Variants in ZBTB20 observed in about 807,000 individuals in gnomAD.
ZBTB20 encodes the protein zinc finger and BTB domain-containing protein 20.
A neutral mutation model predicts 56.9 loss-of-function variants in ZBTB20; 9 were observed. The ratio of observed to expected loss-of-function variants is 0.16; its 90% CI spans 0.10 to 0.28. ZBTB20 has a LOEUF of 0.28. ZBTB20 is among the 10% of genes least tolerant of loss of function. The pLI is 1.00. For synonymous variants in ZBTB20, 417 were observed against 420.7 expected (o/e 0.99, Z 0.11); for missense variants, 655 against 1,003.0 (o/e 0.65, Z 4.69).
intron 4 of ZBTB20, among the ~76,000 whole-genome samples, chr3:114,880,979 G>T (rs1368668960): frequency 6.6e-6 from 1 of 151,754 alleles, no homozygotes; most frequent in East Asian, 1.9e-4. Flanking sequence ...CACTGATAGC[G>T]TACTACTTTT....
intron 4 of ZBTB20, among the ~76,000 whole-genome samples, chr3:114,805,600 A>C (rs1173142633): frequency 6.6e-6 from 1 of 151,488 alleles, no homozygotes; most frequent in Non-Finnish European, 1.5e-5. Flanking sequence ...TTTAATAAAC[A>C]TAACAGTTTA....
intron 4 of ZBTB20, among the ~76,000 whole-genome samples, chr3:114,802,775 C>T (rs1276048704): frequency 6.6e-6 from 1 of 151,892 alleles, no homozygotes; most frequent in East Asian, 1.9e-4. Flanking sequence ...CTGGATAAAT[C>T]TAATTCACCA....
intron 1 of ZBTB20, among the ~76,000 whole-genome samples, chr3:115,096,131 T>G (rs933718749): frequency 3.9e-5 from 6 of 152,226 alleles, no homozygotes. Flanking sequence ...CAAAAATGTC[T>G]TACACAGTAT....
At position 114,322,494 on chromosome 3, in the gene ZBTB20, T is replaced by C. The variant is rs925728696; in HGVS notation, c.*16511A>G. 3.3e-5 allele frequency: 5 copies of C among 152,212 alleles called. No homozygotes were observed. The highest frequency in any genetic ancestry group is 7.3e-5 in the Non-Finnish European group (5 of 68,046). 9.4% of individuals were successfully genotyped at this position (152,212 alleles called of 1,614,324 possible). A position where few individuals can be genotyped will look rare whatever the true frequency, so the allele number is the denominator to read the frequency against. On this transcript the variant is annotated 3_prime_UTR_variant, in exon 12 of 12. Transcript: ENST00000675478. ...AATTGCGATCTGAAGATTAAAATCT[T>C]TGGTGACAGAACTGGAGTGGATATG...
At chr3:114,590,264 C>T (rs868794174) in intron 6 of ZBTB20, among the ~76,000 whole-genome samples, 6 of 151,780 alleles carry the variant, frequency 4.0e-5, no homozygotes, top group African/African-American at 9.7e-5. Context: ...AGACCAAGAA[C>T]GGCCAACATG....
At chr3:114,567,193 C>T (rs983049419) in intron 6 of ZBTB20, among the ~76,000 whole-genome samples, 6 of 152,178 alleles carry the variant, frequency 3.9e-5, no homozygotes, top group African/African-American at 7.2e-5. Context: ...GATGCTTGCT[C>T]GCAGGGTCCT....
chr3:114,978,297 TACTA>T (rs2078188660), intron 2 of ZBTB20, among the ~76,000 whole-genome samples: 1 of 148,472 alleles, frequency 6.7e-6, no homozygotes, highest in Non-Finnish European at 1.5e-5. Flanking sequence ...TAATACTTAT[TACTA>T]TTTATTATTA....
At chr3:114,787,840 A>G (rs2108796867) in intron 5 of ZBTB20, among the ~76,000 whole-genome samples, 1 of 152,268 alleles carries the variant, frequency 6.6e-6, no homozygotes, top group South Asian at 2.1e-4. Flanking sequence ...AAGAGATAAC[A>G]CTGTTGATGA....
At chr3:114,999,648 A>G (rs565801978) in intron 2 of ZBTB20, among the ~76,000 whole-genome samples, 5 of 151,766 alleles carry the variant, frequency 3.3e-5, no homozygotes, top group Admixed American at 1.3e-4. Flanking sequence ...AAACAGTGCT[A>G]TATATTTGTT....
chr3:114,570,917 T>C (rs967722799), intron 6 of ZBTB20, among the ~76,000 whole-genome samples: 2 of 152,176 alleles, frequency 1.3e-5, no homozygotes, highest in African/African-American at 4.8e-5. Context: ...ATAAGGTGTG[T>C]TATTACAACT....
intron 5 of ZBTB20, among the ~76,000 whole-genome samples, chr3:114,705,238 T>C (rs1434161958): frequency 6.6e-6 from 1 of 152,082 alleles, no homozygotes; most frequent in Non-Finnish European, 1.5e-5. Flanking sequence ...TAATATTTGA[T>C]CTGTTTCAGA....
intron 4 of ZBTB20, among the ~76,000 whole-genome samples, chr3:114,803,779 GTTTTTTT>G (rs34171249): frequency 8.3e-5 from 12 of 144,464 alleles, no homozygotes; most frequent in Non-Finnish European, 1.1e-4. Flanking sequence ...TCAACTTTCT[GTTTTTTT>G]TTTTTTTTTT....
intron 7 of ZBTB20, chr3:114,454,504 G>A (rs2091883961): frequency 2.0e-5 from 3 of 147,374 alleles, no homozygotes; most frequent in Non-Finnish European, 3.0e-5. Context: ...ATGCTCCCTC[G>A]GTCTCCTAAA....
At chr3:114,760,210 A>G (rs2068335987) in intron 5 of ZBTB20, among the ~76,000 whole-genome samples, 1 of 152,186 alleles carries the variant, frequency 6.6e-6, no homozygotes, top group South Asian at 2.1e-4. Flanking sequence ...TTATTAATTT[A>G]TTGGATACAT....
chr3:114,802,496 A>C (rs773770108), intron 4 of ZBTB20, among the ~76,000 whole-genome samples: 3 of 151,854 alleles, frequency 2.0e-5, no homozygotes, highest in Non-Finnish European at 4.4e-5. Flanking sequence ...AAAATCACTG[A>C]CATTGACTAA....
At chr3:114,398,262 A>C (rs942733764) in intron 7 of ZBTB20, among the ~76,000 whole-genome samples, 8 of 152,138 alleles carry the variant, frequency 5.3e-5, no homozygotes, top group African/African-American at 1.9e-4. Context: ...GAGGGTGTAC[A>C]TCCTCTTGGG....
At chr3:114,741,144 CA>C (rs2066541452) in intron 5 of ZBTB20, among the ~76,000 whole-genome samples, 2 of 152,110 alleles carry the variant, frequency 1.3e-5, no homozygotes, top group African/African-American at 4.8e-5. Flanking sequence ...TGTCAAAACA[CA>C]GTGAAAAAGC....
chr3:114,555,580 T>C (rs551381063), intron 6 of ZBTB20, among the ~76,000 whole-genome samples: 45 of 152,180 alleles, frequency 3.0e-4, no homozygotes, highest in African/African-American at 1.0e-3. Context: ...TAAGATGTGA[T>C]CTAATGGAAA....
intron 10 of ZBTB20, among the ~76,000 whole-genome samples, chr3:114,376,712 A>G (rs2083675848): frequency 6.6e-6 from 1 of 152,340 alleles, no homozygotes; most frequent in South Asian, 2.1e-4. Context: ...TGAAAAATAA[A>G]TAAAAACTGT....
Sources: gnomAD v4.1 joint callset for allele counts (sites outside exome capture counted in the v4.1 genomes callset) on GRCh38, gnomAD v4.1.1 for gene constraint, MANE v1.5 for transcripts, NCBI Gene and HGNC (gene_info 2026-07-23, HGNC 2026-07-21) for gene names.